Variants in RAC1 observed in about 807,000 individuals in gnomAD.
RAC1 encodes ras-related C3 botulinum toxin substrate 1.
RAC1 carries 2 observed loss-of-function variants against 25.2 expected under a neutral mutation model. That is an observed-to-expected ratio of 0.08 (90% CI 0.03 to 0.25). The LOEUF (loss-of-function observed/expected upper bound fraction) is 0.25, where lower values mean the gene tolerates loss of function less well. RAC1 is among the 10% of genes least tolerant of loss of function. The probability of loss-of-function intolerance (pLI) is 1.00; values close to 1 mark genes in which losing one functional copy is unlikely to be tolerated. For missense variants in RAC1, 50 were observed against 235.7 expected (o/e 0.21, Z 5.16); for synonymous variants, 88 against 94.0 (o/e 0.94, Z 0.37).
intron 1 of RAC1, among the ~76,000 whole-genome samples, chr7:6,378,406 C>T (rs973812634): frequency 2.6e-5 from 4 of 151,610 alleles, no homozygotes; most frequent in South Asian, 2.1e-4. Flanking sequence ...ATTAGCCGGG[C>T]GTGGTGGTGG....
chr7:6,381,968 A>T (rs1050151504), intron 1 of RAC1, among the ~76,000 whole-genome samples: 9 of 152,032 alleles, frequency 5.9e-5, no homozygotes, highest in Non-Finnish European at 1.3e-4. Context: ...ACTAAATTCT[A>T]CTGCCTTGTC....
chr7:6,393,706 G>A (rs1197949367), intron 3 of RAC1, among the ~76,000 whole-genome samples: 1 of 152,200 alleles, frequency 6.6e-6, no homozygotes, highest in African/African-American at 2.4e-5. Context: ...CAAGGAGGGA[G>A]TGGGACATGG....
intron 3 of RAC1, among the ~76,000 whole-genome samples, chr7:6,397,127 G>A (rs911828592): frequency 6.9e-6 from 1 of 145,658 alleles, no homozygotes; most frequent in African/African-American, 2.5e-5. Context: ...TGTAGTCCCA[G>A]CTACTGGGGA....
intron 1 of RAC1, among the ~76,000 whole-genome samples, chr7:6,380,355 A>G (rs781267114): frequency 9.6e-5 from 14 of 145,802 alleles, no homozygotes; most frequent in Non-Finnish European, 1.9e-4. Flanking sequence ...TTTTTTCTTG[A>G]TAAGCCAAAA....
chr7:6,386,228 G>A (rs1782918816), intron 1 of RAC1, among the ~76,000 whole-genome samples: 1 of 152,152 alleles, frequency 6.6e-6, no homozygotes, highest in East Asian at 1.9e-4. Context: ...GGGATGTATT[G>A]TGATAGTCCC....
rs542238049 is a variant in RAC1, at chr7:6,384,751, G to T, written c.36-2461G>T. ...CCCTGTGCTGGGATTATAGCCTCCT[G>T]TGCTGGGATTACAGGCCTAAGCCAC... is the stretch of plus-strand genomic sequence containing the variant. On this transcript the variant is annotated intron_variant, in intron 1 of 5. Transcript: ENST00000348035. 3.3e-5 allele frequency among the ~76,000 whole-genome samples: 5 copies of T among 151,186 alleles called. No individual in the cohort carries two copies. In the South Asian group the frequency reaches 1.0e-3, roughly 32 times the overall value.
In RAC1 at chr7:6,392,846, C is replaced by A. The variant is rs557113485; in HGVS notation, c.225+805C>A. Among the ~76,000 whole-genome samples the A allele has an allele frequency of 4.6e-5, 7 of 152,352 alleles. No homozygotes were observed. In the South Asian group the frequency reaches 8.3e-4, roughly 18 times the overall value. On this transcript the variant is annotated intron_variant, in intron 3 of 5. Transcript: ENST00000348035. ...TGTGCATGTCCTAGCTCTGTGACTTCAGGCAGGCTTCATCCTCTCTCCAGT... is the reference window on the plus strand; with the variant it reads ...TGTGCATGTCCTAGCTCTGTGACTTAAGGCAGGCTTCATCCTCTCTCCAGT...
chr7:6,393,097 TGGGTTGAGGTC>T (rs2115203059), intron 3 of RAC1, among the ~76,000 whole-genome samples: 1 of 152,216 alleles, frequency 6.6e-6, no homozygotes, highest in East Asian at 1.9e-4. Context: ...GGGTTGGGGT[TGGGTTGAGGTC>T]AGGAAGACAT....
rs530637147 is a variant in RAC1, at chr7:6,374,790, C to T, written c.35+20C>T. 1.1e-5 allele frequency: 12 copies of T among 1,119,960 alleles called. No individual in the cohort carries two copies. In the African/African-American group the frequency reaches 1.8e-4, roughly 17 times the overall value. The allele number at this position is 1,119,960 out of a possible 1,614,324, so 69.4% of individuals were successfully genotyped here. A position where few individuals can be genotyped will look rare whatever the true frequency, so the allele number is the denominator to read the frequency against. On this transcript the variant is annotated intron_variant, in intron 1 of 5. Transcript: ENST00000348035. The stretch of plus-strand genomic sequence containing the variant: ...AGACGGGTGAGTGCGCGGCCGGGGC[C>T]GGGCTGGAGGCCGCGGGATCGGGCG...
Position 6,378,539 on chromosome 7 carries a change from T to A in RAC1, c.35+3769T>A, listed in dbSNP as rs567875732. ...CCAGCCTGGGCGACAAGAGCAAGGC[T>A]CTGTCTTGAAAAAAAAAGAAAAAAA... On this transcript the variant is annotated intron_variant, in intron 1 of 5. Transcript: ENST00000348035. Among the ~76,000 whole-genome samples, 4 of 151,924 alleles carry A rather than the reference T, an allele frequency of 2.6e-5. No individual in the cohort carries two copies. The South Asian group carries it at 6.2e-4, about 24-fold the overall frequency.
intron 2 of RAC1, among the ~76,000 whole-genome samples, chr7:6,390,040 TCCCTCC>T (rs1783044399): frequency 5.9e-5 from 7 of 119,466 alleles, no homozygotes; most frequent in Non-Finnish European, 1.3e-4. Context: ...CTTCCCTCCT[TCCCTCC>T]TTCCTTCTCC....
intron 1 of RAC1, among the ~76,000 whole-genome samples, chr7:6,378,671 T>A (rs1782675106): frequency 6.6e-6 from 1 of 152,250 alleles, no homozygotes; most frequent in African/African-American, 2.4e-5. Flanking sequence ...TCTTTTATTC[T>A]AAGATAGTCC....
rs539986428 is a variant in RAC1, at chr7:6,403,294, G to C, written c.*848G>C. 10 of 212,106 alleles carry C rather than the reference G, an allele frequency of 4.7e-5. No individual in the cohort carries two copies. Among genetic ancestry groups the C allele is most frequent in the South Asian group, 1.9e-4 (1 of 5,342 alleles). The allele number at this position is 212,106 out of a possible 1,614,324, so 13.1% of individuals were successfully genotyped here. A position where few individuals can be genotyped will look rare whatever the true frequency, so the allele number is the denominator to read the frequency against. The stretch of plus-strand genomic sequence containing the variant: ...GATGAAAGAAAGGTTGGTATTATCA[G>C]GAAATGTTTTCTTAAGCTTTTCCTT... On this transcript the variant is annotated 3_prime_UTR_variant, in exon 6 of 6. Coordinates refer to ENST00000348035, the MANE Select transcript of RAC1 (RefSeq NM_006908.5).
At chr7:6,395,705 C>T (rs1464374186) in intron 3 of RAC1, among the ~76,000 whole-genome samples, 1 of 152,112 alleles carries the variant, frequency 6.6e-6, no homozygotes, top group Non-Finnish European at 1.5e-5. Context: ...AACACCTCCA[C>T]CAGGGCGAAG....
intron 3 of RAC1, among the ~76,000 whole-genome samples, chr7:6,392,693 TTTTC>T (rs1199750336): frequency 6.6e-6 from 1 of 152,230 alleles, no homozygotes; most frequent in African/African-American, 2.4e-5. Flanking sequence ...TAAAAGTTAC[TTTTC>T]TTTAAGCAGC....
intron 3 of RAC1, among the ~76,000 whole-genome samples, chr7:6,397,928 G>T (rs960206287): frequency 1.3e-5 from 2 of 152,200 alleles, no homozygotes; most frequent in Non-Finnish European, 2.9e-5. Context: ...GGCAGAGGTT[G>T]CAGTGAGCTG....
intron 3 of RAC1, among the ~76,000 whole-genome samples, chr7:6,397,424 G>A (rs1466919485): frequency 7.3e-5 from 11 of 151,668 alleles, no homozygotes; most frequent in African/African-American, 2.7e-4. Flanking sequence ...CTCCCGAGTA[G>A]CTGGGATTAC....
chr7:6,402,555 C>T lies in RAC1; in HGVS notation c.*109C>T. On this transcript the variant is annotated 3_prime_UTR_variant, in exon 6 of 6. Coordinates refer to ENST00000348035, the MANE Select transcript of RAC1 (RefSeq NM_006908.5). ...AAAAAAAACAACGGTGGAGCCTTCG[C>T]ACTCAATGCCAACTTTTTGTTACAG... The T allele has an allele frequency of 9.5e-7, 1 of 1,048,094 alleles. No homozygotes were observed. The highest frequency in any genetic ancestry group is 3.2e-5 in the East Asian group (1 of 31,250). The allele number at this position is 1,048,094 out of a possible 1,614,324, so 64.9% of individuals were successfully genotyped here.
chr7:6,390,091 C>A (rs1783048091), intron 2 of RAC1, among the ~76,000 whole-genome samples: 1 of 95,810 alleles, frequency 1.0e-5, no homozygotes, highest in Non-Finnish European at 1.9e-5. Context: ...TCCCTCCCTC[C>A]CTCCCTTTTT....
Sources: gnomAD v4.1 joint callset for allele counts (sites outside exome capture counted in the v4.1 genomes callset) on GRCh38, gnomAD v4.1.1 for gene constraint, MANE v1.5 for transcripts, NCBI Gene and HGNC (gene_info 2026-07-23, HGNC 2026-07-21) for gene names.